XKR4: variants seen among roughly 807,000 people sequenced by gnomAD.
XKR4 encodes the protein XK related 4.
In XKR4, 12 loss-of-function variants were observed where a neutral mutation model predicts 53.9. The ratio of observed to expected loss-of-function variants is 0.22; its 90% CI spans 0.14 to 0.36. XKR4 has a LOEUF of 0.36. XKR4 is among the 10% of genes least tolerant of loss of function. The pLI is 1.00. For synonymous variants in XKR4, 354 were observed against 362.4 expected, an observed-to-expected ratio of 0.98 and a Z score of 0.26; for missense variants, 799 against 859.5, an observed-to-expected ratio of 0.93 and a Z score of 0.88.
intron 2 of XKR4, among the ~76,000 whole-genome samples, chr8:55,398,321 C>T (rs1216744892): frequency 6.6e-6 from 1 of 152,038 alleles, no homozygotes; most frequent in Non-Finnish European, 1.5e-5. Flanking sequence ...TTTGCCCCAT[C>T]CCTACCCACC....
intron 2 of XKR4, among the ~76,000 whole-genome samples, chr8:55,499,040 A>G (rs542434019): frequency 6.6e-5 from 10 of 152,354 alleles, no homozygotes; most frequent in African/African-American, 2.2e-4. Context: ...TCAATCAAAC[A>G]TAAGATGAAA....
intron 2 of XKR4, among the ~76,000 whole-genome samples, chr8:55,487,690 AAC>A: frequency 6.6e-6 from 1 of 152,076 alleles, no homozygotes; most frequent in South Asian, 2.1e-4. Context: ...GCTGGTCTTG[AAC>A]TCCTGGCCTC....
chr8:55,451,031 C>T (rs945393900), intron 2 of XKR4: 8 of 552,484 alleles, frequency 1.4e-5, no homozygotes, highest in Non-Finnish European at 2.7e-5. Context: ...TCACCTGCCG[C>T]GCCTGGAATA....
chr8:55,267,231 A>G (rs1818619308), intron 1 of XKR4, among the ~76,000 whole-genome samples: 1 of 152,194 alleles, frequency 6.6e-6, no homozygotes, highest in South Asian at 2.1e-4. Flanking sequence ...AGAGAAAAAA[A>G]AACCTATGGG....
chr8:55,507,485 A>T (rs190726271), intron 2 of XKR4, among the ~76,000 whole-genome samples: 1 of 152,062 alleles, frequency 6.6e-6, no homozygotes, highest in African/African-American at 2.4e-5. Context: ...ATATCTCCCA[A>T]TGCTATCCCT....
At chr8:55,355,272 T>C (rs1389464345) in intron 1 of XKR4, among the ~76,000 whole-genome samples, 7 of 151,478 alleles carry the variant, frequency 4.6e-5, no homozygotes, top group African/African-American at 1.7e-4. Flanking sequence ...TATGGCACTA[T>C]ACACACACCA....
chr8:55,504,184 TTGTTTTTG>T (rs1806487812), intron 2 of XKR4, among the ~76,000 whole-genome samples: 7 of 138,802 alleles, frequency 5.0e-5, no homozygotes, highest in Admixed American at 4.5e-4. Context: ...GTTGTTGTTG[TTGTTTTTG>T]TTTTGTTTTG....
intron 2 of XKR4, among the ~76,000 whole-genome samples, chr8:55,514,094 T>G (rs1213022914): frequency 6.6e-6 from 1 of 152,182 alleles, no homozygotes; most frequent in African/African-American, 2.4e-5. Context: ...AGAAAAAGTG[T>G]GCCACCCCTG....
intron 2 of XKR4, among the ~76,000 whole-genome samples, chr8:55,395,384 G>A (rs1404546611): frequency 6.6e-6 from 1 of 151,872 alleles, no homozygotes; most frequent in Non-Finnish European, 1.5e-5. Context: ...GAGAGTCCAG[G>A]AAAGGCATGA....
chr8:55,261,481 G>A (rs1818525329), intron 1 of XKR4, among the ~76,000 whole-genome samples: 2 of 152,156 alleles, frequency 1.3e-5, no homozygotes, highest in South Asian at 2.1e-4. Context: ...GATCCAACAA[G>A]GTTTAGGTCA....
At chr8:55,132,592 G>T (rs1042754430) in intron 1 of XKR4, among the ~76,000 whole-genome samples, 4 of 152,072 alleles carry the variant, frequency 2.6e-5, no homozygotes, top group Non-Finnish European at 4.4e-5. Flanking sequence ...CAGTGAAACC[G>T]AAGATATGGA....
intron 1 of XKR4, among the ~76,000 whole-genome samples, chr8:55,306,444 G>A (rs1409689678): frequency 6.6e-6 from 1 of 152,184 alleles, no homozygotes; most frequent in African/African-American, 2.4e-5. Context: ...ACCTGAGACT[G>A]GACAATGTAC....
chr8:55,526,891 AT>A lies in XKR4; in HGVS notation c.*2669del, dbSNP rs1468132330. ...AGTCAGGAGAATGTAAGGAGGTTGA[AT>A]TTTTCAGTGATTTCCCAAATACTGT... On this transcript the variant is annotated 3_prime_UTR_variant, in exon 3 of 3. Coordinates refer to ENST00000327381, the MANE Select transcript of XKR4 (RefSeq NM_052898.2). The A allele has an allele frequency of 2.0e-5, 3 of 152,154 alleles. No homozygotes were observed. The highest frequency in any genetic ancestry group is 7.2e-5 in the African/African-American group (3 of 41,424). 9.4% of individuals were successfully genotyped at this position (152,154 alleles called of 1,614,324 possible).
chr8:55,504,560 G>T (rs1284960005), intron 2 of XKR4, among the ~76,000 whole-genome samples: 1 of 151,990 alleles, frequency 6.6e-6, no homozygotes, highest in Non-Finnish European at 1.5e-5. Flanking sequence ...TTGGTATAAA[G>T]GTAATTCTTG....
rs1415876772 is a variant in XKR4, at chr8:55,526,804, A to G, written c.*2577A>G. ...TCCCTCATTCAACATGTTAAGAGTC[A>G]GAATGAATACTATGTCAATGAAAAA... On this transcript the variant is annotated 3_prime_UTR_variant, in exon 3 of 3. Transcript: ENST00000327381. 8.5e-5 allele frequency: 13 copies of G among 152,256 alleles called. No individual in the cohort carries two copies. In the East Asian group the frequency reaches 2.3e-3, roughly 27 times the overall value. The allele number at this position is 152,256 out of a possible 1,614,324, so 9.4% of individuals were successfully genotyped here.
intron 1 of XKR4, among the ~76,000 whole-genome samples, chr8:55,112,536 C>G (rs1816245701): frequency 8.9e-6 from 1 of 112,012 alleles, no homozygotes; most frequent in African/African-American, 3.4e-5. Context: ...AGATCTCAGT[C>G]TGGGGCTGAA....
At chr8:55,357,910 G>A (rs2622565) in intron 2 of XKR4, 33 bp downstream of exon 2, 273,545 of 1,588,454 alleles carry the variant, frequency 0.17, 25,927 homozygotes, top group Non-Finnish European at 0.19. Context: ...CTGAATTTGG[G>A]GAAAGATTGA....
intron 1 of XKR4, among the ~76,000 whole-genome samples, chr8:55,342,131 T>G (rs1345689505): frequency 6.6e-6 from 1 of 151,884 alleles, no homozygotes; most frequent in African/African-American, 2.4e-5. Context: ...TCTCTGTAAA[T>G]GGCAACTCTA....
chr8:55,316,041 T>TA (rs1474410097), intron 1 of XKR4, among the ~76,000 whole-genome samples: 1 of 152,164 alleles, frequency 6.6e-6, no homozygotes, highest in Non-Finnish European at 1.5e-5. Context: ...ACCTACACCG[T>TA]AAAAAATCAT....
Sources: allele counts gnomAD v4.1 joint callset (sites outside exome capture counted in the v4.1 genomes callset), GRCh38; gene constraint gnomAD v4.1.1; transcripts MANE v1.5; gene names NCBI Gene and HGNC (gene_info 2026-07-23, HGNC 2026-07-21).